Variants in PAPOLA observed in about 807,000 individuals in gnomAD.
PAPOLA encodes polynucleotide adenylyltransferase alpha.
Under a neutral mutation model 100.6 loss-of-function variants are expected in PAPOLA, and 15 were observed. That is an observed-to-expected ratio of 0.15 (90% CI 0.10 to 0.23). The LOEUF (loss-of-function observed/expected upper bound fraction) is 0.23, where lower values mean the gene tolerates loss of function less well. Among genes scored for constraint, PAPOLA ranks in the 10% least tolerant of loss-of-function variants. The pLI is 1.00. For missense variants in PAPOLA, 533 were observed against 884.2 expected, an observed-to-expected ratio of 0.60 and a Z score of 5.04; for synonymous variants, 293 against 300.0, an observed-to-expected ratio of 0.98 and a Z score of 0.24.
chr14:96,512,965 T>C (rs935156068), intron 1 of PAPOLA, among the ~76,000 whole-genome samples: 4 of 152,264 alleles, frequency 2.6e-5, no homozygotes, highest in Admixed American at 2.0e-4. Context: ...TTCAAGCTTA[T>C]TTCTGTTGTG....
In PAPOLA at chr14:96,502,504, C is replaced by CT; in HGVS notation, c.-88dup. 1 of 1,062,730 alleles carries CT rather than the reference C, an allele frequency of 9.4e-7. No individual in the cohort carries two copies. Among genetic ancestry groups the CT allele is most frequent in the South Asian group, 1.5e-5 (1 of 68,226 alleles). 65.8% of individuals were successfully genotyped at this position (1,062,730 alleles called of 1,614,324 possible). ...ACCCAGGGCTGAGGCAGGCCCCCCC[C>CT]TCCCTCCCGCCTCAGTGGATCATGC... On this transcript the variant is annotated 5_prime_UTR_variant, in exon 1 of 22. Transcript: ENST00000216277.
At chr14:96,544,988 A>G (rs955095987) in intron 15 of PAPOLA, among the ~76,000 whole-genome samples, 4 of 152,070 alleles carry the variant, frequency 2.6e-5, no homozygotes, top group Admixed American at 1.3e-4. Flanking sequence ...GTCTATATGT[A>G]GCTGCACAAC....
At chr14:96,535,386 T>C (rs1017727337) in intron 10 of PAPOLA, 32 of 980,278 alleles carry the variant, frequency 3.3e-5, no homozygotes, top group Non-Finnish European at 3.6e-5. Flanking sequence ...AGTATATCAT[T>C]TCATTATCTC....
At chr14:96,550,906 T>C (rs1047752214) in intron 16 of PAPOLA, among the ~76,000 whole-genome samples, 6 of 152,210 alleles carry the variant, frequency 3.9e-5, no homozygotes, top group African/African-American at 1.4e-4. Context: ...GTCCTTTTTA[T>C]ATTTAATATT....
At chr14:96,564,721 T>A (rs554649587) in intron 21 of PAPOLA, among the ~76,000 whole-genome samples, 11 of 152,210 alleles carry the variant, frequency 7.2e-5, no homozygotes, top group Admixed American at 3.3e-4. Flanking sequence ...TAGGAGTTTT[T>A]AAAATATTAT....
At chr14:96,506,601 A>G in intron 1 of PAPOLA, among the ~76,000 whole-genome samples, 1 of 152,234 alleles carries the variant, frequency 6.6e-6, no homozygotes, top group Non-Finnish European at 1.5e-5. Context: ...CTTTTCCATC[A>G]TGAGCTTGAC....
At chr14:96,525,800 AGCC>A (rs1230119918) in intron 4 of PAPOLA, among the ~76,000 whole-genome samples, 7 of 152,204 alleles carry the variant, frequency 4.6e-5, no homozygotes, top group African/African-American at 1.7e-4. Flanking sequence ...CAGTAGAGGT[AGCC>A]ACATTTTATC....
intron 3 of PAPOLA, among the ~76,000 whole-genome samples, chr14:96,522,108 C>CTTTTTTTTTTTTTTTTTTTTTTTTTT (rs1566840969): frequency 1.0e-5 from 1 of 98,342 alleles, no homozygotes; most frequent in East Asian, 2.4e-4. Flanking sequence ...TAGCCTCTTT[C>CTTTTTTTTTTTTTTTTTTTTTTTTTT]TTTCTTTCTT....
At chr14:96,503,579 A>C (rs548663071) in intron 1 of PAPOLA, among the ~76,000 whole-genome samples, 1 of 151,430 alleles carries the variant, frequency 6.6e-6, no homozygotes, top group African/African-American at 2.4e-5. Context: ...CATTTCTTCC[A>C]TTTTTGAATA....
At chr14:96,507,111 T>C (rs1896768012) in intron 1 of PAPOLA, among the ~76,000 whole-genome samples, 1 of 152,140 alleles carries the variant, frequency 6.6e-6, no homozygotes, top group Non-Finnish European at 1.5e-5. Context: ...ATAATGTTGG[T>C]TTGATGCCAG....
chr14:96,528,819 A>G (rs1351429438), intron 6 of PAPOLA, among the ~76,000 whole-genome samples: 1 of 152,234 alleles, frequency 6.6e-6, no homozygotes, highest in Non-Finnish European at 1.5e-5. Flanking sequence ...GTATTTTATG[A>G]AAAGTCAAGT....
chr14:96,520,014 A>G, intron 1 of PAPOLA, 41 bp from the exon 2 acceptor site: 1 of 1,490,828 alleles, frequency 6.7e-7, no homozygotes, highest in Non-Finnish European at 9.2e-7. Flanking sequence ...TTCAAATTGT[A>G]GAATTCTTTT....
chr14:96,521,607 C>T (rs1400727146), intron 3 of PAPOLA, among the ~76,000 whole-genome samples: 2 of 152,108 alleles, frequency 1.3e-5, no homozygotes, highest in African/African-American at 4.8e-5. Flanking sequence ...CTCCTGGCCT[C>T]AGCCTCCCAA....
At chr14:96,520,945 CTTTAAGAAA>C (rs1897911882) in intron 2 of PAPOLA, 52 bp from the exon 3 acceptor site, 1 of 845,088 alleles carries the variant, frequency 1.2e-6, no homozygotes, top group Admixed American at 1.9e-5. Flanking sequence ...CTATTTAAAA[CTTTAAGAAA>C]TTTAATCAGT....
chr14:96,547,700 G>A lies in PAPOLA; in HGVS notation c.1400-97G>A, dbSNP rs1203745003. On this transcript the variant is annotated intron_variant, in intron 15 of 21. Coordinates refer to ENST00000216277, the MANE Select transcript of PAPOLA (RefSeq NM_032632.5). ...GATCTACAGATATGCAGTATTGATG[G>A]AAAAAGGATCCCTACTTAGAATAGT... The A allele has an allele frequency of 1.1e-5, 10 of 898,532 alleles. No homozygotes were observed. In the East Asian group the frequency reaches 2.4e-4, roughly 22 times the overall value. The allele number at this position is 898,532 out of a possible 1,614,324, so 55.7% of individuals were successfully genotyped here.
At chr14:96,550,697 A>G (rs1024470400) in intron 16 of PAPOLA, among the ~76,000 whole-genome samples, 2 of 152,168 alleles carry the variant, frequency 1.3e-5, no homozygotes, top group East Asian at 3.8e-4. Context: ...TGGTTGTTTA[A>G]TATCTCTTTA....
At chr14:96,562,973 A>T in intron 21 of PAPOLA, 80 bp downstream of exon 21, 2 of 779,352 alleles carry the variant, frequency 2.6e-6, no homozygotes, top group East Asian at 5.0e-5. Flanking sequence ...GTGAGAGTTC[A>T]TAGAAGACTA....
At chr14:96,534,122 T>C in intron 9 of PAPOLA, 1 of 1,015,062 alleles carries the variant, frequency 9.9e-7, no homozygotes, top group Non-Finnish European at 1.2e-6. Flanking sequence ...CACTTGACTT[T>C]GGATGGAACT....
At position 96,554,930 on chromosome 14, in the gene PAPOLA, A is replaced by G. The variant is rs1283733655; in HGVS notation, c.1665-917A>G. 3.3e-5 allele frequency among the ~76,000 whole-genome samples: 5 copies of G among 152,290 alleles called. No individual in the cohort carries two copies. The East Asian group carries it at 9.6e-4, about 29-fold the overall frequency. On this transcript the variant is annotated intron_variant, in intron 17 of 21. Transcript: ENST00000216277. ...GTGTGTCTCTTTAATATTTATACTT[A>G]GAATTTGGGGTAATACTTGGCTAGT... is the stretch of plus-strand genomic sequence containing the variant.
Sources: allele counts gnomAD v4.1 joint callset (sites outside exome capture counted in the v4.1 genomes callset), GRCh38; gene constraint gnomAD v4.1.1; transcripts MANE v1.5; gene names NCBI Gene and HGNC (gene_info 2026-07-23, HGNC 2026-07-21).